The following PHRF1 variants were observed in gnomAD, a reference collection of about 807,000 sequenced individuals.
The protein encoded by PHRF1 is PHD and RING finger domain-containing protein 1.
A neutral mutation model predicts 128.9 loss-of-function variants in PHRF1; 53 were observed. The observed-to-expected ratio is 0.41, with a 90% CI of 0.33 to 0.52. PHRF1 has a LOEUF of 0.52. PHRF1 is among the 20% of genes least tolerant of loss of function. PHRF1 has a pLI of 0.21. For synonymous variants in PHRF1, 1,178 were observed against 980.6 expected (o/e 1.20, Z -3.76); for missense variants, 2,503 against 2,284.5 (o/e 1.10, Z -1.95).
At chr11:601,400 G>A (rs1855617167) in intron 9 of PHRF1, among the ~76,000 whole-genome samples, 174 bp from the exon 10 acceptor site, 1 of 151,094 alleles carries the variant, frequency 6.6e-6, no homozygotes, top group Non-Finnish European at 1.5e-5. Context: ...CTGCACTCCA[G>A]CTTGGGTGAC....
intron 14 of PHRF1, 143 bp from the exon 15 acceptor site, chr11:610,053 C>T (rs1020308827): frequency 4.3e-5 from 49 of 1,128,204 alleles, no homozygotes; most frequent in Non-Finnish European, 5.9e-5. Context: ...ACCTCGCAAC[C>T]TCCCCTTGGT....
chr11:592,299 T>C (rs538069102), intron 5 of PHRF1, among the ~76,000 whole-genome samples: 21 of 152,162 alleles, frequency 1.4e-4, no homozygotes, highest in African/African-American at 4.6e-4. Context: ...CGGCCCACTT[T>C]GGGGCCGCAG....
rs373026558 is a variant in PHRF1, at chr11:592,542, C to T, written c.505-17C>T. 238 of 1,612,290 alleles carry T rather than the reference C, an allele frequency of 1.5e-4. No individual in the cohort carries two copies. Among genetic ancestry groups the T allele is most frequent in the Non-Finnish European group, 1.9e-4 (219 of 1,178,312 alleles). ...AGTTTGGGTCCTGTGTGGTGGTGAC[C>T]GACGATTCTGTCCTAGATCCCAGTG... On this transcript the variant is annotated splice_polypyrimidine_tract_variant and intron_variant, in intron 5 of 17. Transcript: ENST00000264555.
intron 4 of PHRF1, among the ~76,000 whole-genome samples, chr11:590,401 A>G (rs1358713691): frequency 6.6e-6 from 1 of 152,186 alleles, no homozygotes; most frequent in South Asian, 2.1e-4. Flanking sequence ...GCAGAATGCC[A>G]TGAGCAGAGT....
At chr11:594,512 AGTC>A (rs1222210016) in intron 6 of PHRF1, among the ~76,000 whole-genome samples, 3 of 151,500 alleles carry the variant, frequency 2.0e-5, no homozygotes, top group African/African-American at 7.2e-5. Context: ...CTCTGCAGCG[AGTC>A]ACTGCAACCT....
At chr11:588,691 A>T (rs959821695) in intron 4 of PHRF1, among the ~76,000 whole-genome samples, 4 of 150,326 alleles carry the variant, frequency 2.7e-5, no homozygotes, top group African/African-American at 4.9e-5. Context: ...TTTTATTTTT[A>T]TTTTTTTTTG....
At chr11:594,355 G>A (rs1042520541) in intron 6 of PHRF1, among the ~76,000 whole-genome samples, 7 of 152,252 alleles carry the variant, frequency 4.6e-5, no homozygotes, top group African/African-American at 2.4e-5. Flanking sequence ...CTAGTGGCTC[G>A]AGGGCAGCTG....
Position 607,287 on chromosome 11 carries a change from G to A in PHRF1, c.1831G>A (p.Val611Ile), listed in dbSNP as rs371808211. The A allele has an allele frequency of 1.2e-6, 2 of 1,612,592 alleles. No homozygotes were observed. Among genetic ancestry groups the A allele is most frequent in the Admixed American group, 3.3e-5 (2 of 60,014 alleles). The change falls in exon 14 of 18, where the codon GTT (valine) becomes ATT (isoleucine). Residue 611 changes from valine (V) to isoleucine (I), a missense_variant. By Grantham distance (29) the Val-to-Ile change is conservative. Transcript: ENST00000264555. ...GGACTTGCCAGCAGCCCCTGGGGCG[G>A]TTCAGGCTCGGAACTTGTCAAATGG... ...RLDLPAAPGA[V>I]QARNLSNGSV...
At position 610,312 on chromosome 11, in the gene PHRF1, C is replaced by T; in HGVS notation, c.4381C>T (p.Pro1461Ser). ...GCTGCCCTTTCCCAGTCACGTGCTT[C>T]CGGAACCCGGGTTCCCAGACACAGA... is the stretch of plus-strand genomic sequence containing the variant. Reference protein sequence around the residue: ...SELPFPSHVLPEPGFPDTDPS... With the variant: ...SELPFPSHVLSEPGFPDTDPS... Residue 1461 changes from proline (P) to serine (S), a missense_variant, in exon 15 of 18, where the codon CCG becomes TCG. Pro to Ser is a moderately conservative substitution (Grantham distance 74). Transcript: ENST00000264555. 1 of 1,565,448 alleles carries T rather than the reference C, an allele frequency of 6.4e-7. No individual in the cohort carries two copies.
intron 1 of PHRF1, among the ~76,000 whole-genome samples, chr11:580,809 T>A (rs1177034603): frequency 6.6e-6 from 1 of 152,122 alleles, no homozygotes; most frequent in African/African-American, 2.4e-5. Flanking sequence ...CTGCCTCAGC[T>A]TCCCGAGTAG....
rs767384815 is a variant in PHRF1 at position 610,641 on chromosome 11, C to T, written c.4557C>T (p.Ala1519=). The change falls in exon 16 of 18, where the codon GCC becomes GCT. Residue 1519 remains alanine, a synonymous_variant. Transcript: ENST00000264555. ...LVGCGAAQTL[A]PVPAALTPAS... ...GCTGTGGGGCAGCACAGACCCTGGCCCCAGTGCCCGCTGCCCTGACCCCAG... is the reference window on the plus strand; with the variant it reads ...GCTGTGGGGCAGCACAGACCCTGGCTCCAGTGCCCGCTGCCCTGACCCCAG... 1.2e-5 allele frequency: 19 copies of T among 1,604,920 alleles called. No individual in the cohort carries two copies. The African/African-American group carries it at 2.1e-4, about 18-fold the overall frequency.
Position 609,592 on chromosome 11 carries a change from A to C in PHRF1, c.4136A>C (p.Gln1379Pro), listed in dbSNP as rs1218182248. 6.3e-7 allele frequency: 1 copy of C among 1,595,748 alleles called. No individual in the cohort carries two copies. The highest frequency in any genetic ancestry group is 8.5e-7 in the Non-Finnish European group (1 of 1,172,738). Residue 1379 changes from glutamine (Q) to proline (P), a missense_variant, in exon 14 of 18, where the codon CAG becomes CCG. Transcript: ENST00000264555. ...AGCCCCTCTGCGAGTGGGAGGGTAC[A>C]GGAGGCAGCCCGGCCTGAGGAGGTG... is the stretch of plus-strand genomic sequence containing the variant. ...EDSPSASGRV[Q>P]EAARPEEVVS...
At chr11:599,253 C>CTTTTTTTTTTTTTTTTTTTTTTTTTTTT (rs754658303) in intron 9 of PHRF1, among the ~76,000 whole-genome samples, 2 of 104,980 alleles carry the variant, frequency 1.9e-5, no homozygotes, top group Non-Finnish European at 1.9e-5. Flanking sequence ...TTTTTCTTTT[C>CTTTTTTTTTTTTTTTTTTTTTTTTTTTT]TTTTTTTTTT....
At chr11:601,783 G>T in intron 10 of PHRF1, 82 bp downstream of exon 10, 1 of 1,560,080 alleles carries the variant, frequency 6.4e-7, no homozygotes, top group Non-Finnish European at 8.7e-7. Flanking sequence ...TAAGCCTCCC[G>T]CTGGCCTTGG....
chr11:583,219 A>G (rs951195946), intron 3 of PHRF1, among the ~76,000 whole-genome samples: 2 of 151,846 alleles, frequency 1.3e-5, no homozygotes, highest in Non-Finnish European at 2.9e-5. Context: ...CGCGCCTGTA[A>G]TCCCAGCTAC....
At chr11:609,956 AG>A (rs1459270307) in intron 14 of PHRF1, among the ~76,000 whole-genome samples, 2 of 152,184 alleles carry the variant, frequency 1.3e-5, no homozygotes, top group Non-Finnish European at 2.9e-5. Flanking sequence ...TTCTGGAGCC[AG>A]GGAACACTGG....
At position 603,735 on chromosome 11, in the gene PHRF1, T is replaced by TG. The variant is rs1237607683; in HGVS notation, c.1153-1384_1153-1383insG. Among the ~76,000 whole-genome samples, 513 of 144,000 alleles carry TG rather than the reference T, an allele frequency of 3.6e-3. 3 individuals carry two copies. The highest frequency in any genetic ancestry group is 0.012 in the African/African-American group (493 of 39,458). The allele number at this position is 144,000 out of a possible 152,430, so 94.5% of individuals were successfully genotyped here. A position where few individuals can be genotyped will look rare whatever the true frequency, so the allele number is the denominator to read the frequency against. On this transcript the variant is annotated intron_variant, in intron 10 of 17. Coordinates refer to ENST00000264555, the MANE Select transcript of PHRF1 (RefSeq NM_001286581.2). Reference sequence around the variant, plus strand: ...TAAAACCATATTTAAGTTTGTTTTTTTTTTTTTTTTTTTTTTGAGATGGAG... The same window carrying TG: ...TAAAACCATATTTAAGTTTGTTTTTTGTTTTTTTTTTTTTTTTGAGATGGAG...
At chr11:611,253 G>A (rs940280948) in intron 17 of PHRF1, among the ~76,000 whole-genome samples, 171 bp downstream of exon 17, 1 of 152,192 alleles carries the variant, frequency 6.6e-6, no homozygotes, top group Admixed American at 6.5e-5. Context: ...GGTCAAGCCT[G>A]TTCGCCTGTG....
chr11:581,873 T>A, intron 2 of PHRF1, 89 bp from the exon 3 acceptor site: 4 of 1,457,550 alleles, frequency 2.7e-6, no homozygotes, highest in South Asian at 1.4e-5. Flanking sequence ...CAGGTGCTCC[T>A]GACGCCTCTA....
Sources: gnomAD v4.1 joint callset for allele counts (sites outside exome capture counted in the v4.1 genomes callset) on GRCh38, gnomAD v4.1.1 for gene constraint, MANE v1.5 for transcripts, NCBI Gene and HGNC (gene_info 2026-07-23, HGNC 2026-07-21) for gene names.